DYNC1I1: variants seen among roughly 807,000 people sequenced by gnomAD.
DYNC1I1 encodes cytoplasmic dynein 1 intermediate chain 1.
A neutral mutation model predicts 86.6 loss-of-function variants in DYNC1I1; 43 were observed. The observed-to-expected ratio is 0.50, with a 90% CI of 0.39 to 0.64. The LOEUF (loss-of-function observed/expected upper bound fraction) is 0.64, where lower values mean the gene tolerates loss of function less well. Ranked by LOEUF, DYNC1I1 falls within the 30% of genes least tolerant of loss-of-function variation. DYNC1I1 has a pLI of 0.00. For missense variants in DYNC1I1, 604 were observed against 788.8 expected (o/e 0.77, Z 2.81); for synonymous variants, 262 against 283.7 (o/e 0.92, Z 0.77).
chr7:95,821,799 A>C (rs1448505805), intron 4 of DYNC1I1, among the ~76,000 whole-genome samples: 1 of 152,178 alleles, frequency 6.6e-6, no homozygotes, highest in African/African-American at 2.4e-5. Context: ...ATATATTGGC[A>C]TATTACTTCC....
At chr7:96,051,968 A>G (rs923129007) in intron 14 of DYNC1I1, among the ~76,000 whole-genome samples, 13 of 152,318 alleles carry the variant, frequency 8.5e-5, no homozygotes, top group South Asian at 6.2e-4. Context: ...TAAAAAATTT[A>G]TCTCTTGAAT....
At chr7:95,937,966 A>G (rs147333174) in intron 6 of DYNC1I1, among the ~76,000 whole-genome samples, 1 of 152,168 alleles carries the variant, frequency 6.6e-6, no homozygotes, top group African/African-American at 2.4e-5. Flanking sequence ...TCACACACAT[A>G]ATACCCTAAT....
intron 9 of DYNC1I1, among the ~76,000 whole-genome samples, chr7:95,989,615 A>T (rs1428309092): frequency 1.3e-5 from 2 of 152,198 alleles, no homozygotes; most frequent in Non-Finnish European, 2.9e-5. Flanking sequence ...GCCTTGCCTC[A>T]GTAGGTGATG....
At chr7:95,832,381 G>C (rs13223972) in intron 5 of DYNC1I1, among the ~76,000 whole-genome samples, 14,156 of 151,640 alleles carry the variant, frequency 0.093, 709 homozygotes, top group South Asian at 0.13. Flanking sequence ...TTGAACATTT[G>C]GGTTGGTTCC....
intron 5 of DYNC1I1, among the ~76,000 whole-genome samples, chr7:95,839,029 T>G: frequency 6.6e-6 from 1 of 152,134 alleles, no homozygotes; most frequent in South Asian, 2.1e-4. Context: ...GTTTCCTTTC[T>G]CTTTTTCTTT....
intron 6 of DYNC1I1, among the ~76,000 whole-genome samples, chr7:95,890,770 G>A (rs985394493): frequency 3.9e-5 from 6 of 152,152 alleles, no homozygotes; most frequent in African/African-American, 1.2e-4. Context: ...CAGAAGGTTT[G>A]GGATGGATCC....
intron 6 of DYNC1I1, among the ~76,000 whole-genome samples, chr7:95,943,851 T>C (rs1481964128): frequency 2.7e-5 from 4 of 150,578 alleles, no homozygotes; most frequent in Non-Finnish European, 3.0e-5. Context: ...ATCCCTTCCT[T>C]ACACCTTATA....
At chr7:96,035,525 C>T (rs1403499161) in intron 12 of DYNC1I1, 94 bp from the exon 13 acceptor site, 2 of 1,463,256 alleles carry the variant, frequency 1.4e-6, no homozygotes, top group Non-Finnish European at 1.8e-6. Flanking sequence ...GTGTGAAAAG[C>T]AAACACATGA....
intron 1 of DYNC1I1, among the ~76,000 whole-genome samples, chr7:95,785,735 G>GTA (rs142086688): frequency 0.033 from 4,443 of 134,978 alleles, 257 homozygotes; most frequent in African/African-American, 0.11. Context: ...GTGTGTGTAT[G>GTA]TATATATATA....
At chr7:95,816,010 A>C (rs1373199817) in intron 4 of DYNC1I1, among the ~76,000 whole-genome samples, 1 of 116,050 alleles carries the variant, frequency 8.6e-6, no homozygotes, top group South Asian at 3.1e-4. Context: ...AATCCCTCTT[A>C]TTGATTTTTT....
chr7:95,893,289 G>T (rs950594732), intron 6 of DYNC1I1, among the ~76,000 whole-genome samples: 1 of 152,270 alleles, frequency 6.6e-6, no homozygotes, highest in Non-Finnish European at 1.5e-5. Context: ...ACTAGCACTT[G>T]CAGTATGGAT....
intron 6 of DYNC1I1, among the ~76,000 whole-genome samples, chr7:95,949,924 T>G (rs1792507040): frequency 6.6e-6 from 1 of 152,144 alleles, no homozygotes; most frequent in Non-Finnish European, 1.5e-5. Context: ...GCCTGAGCAT[T>G]GATAAAGGGC....
intron 6 of DYNC1I1, among the ~76,000 whole-genome samples, chr7:95,875,201 AGAAC>A (rs1790277917): frequency 6.6e-6 from 1 of 152,178 alleles, no homozygotes; most frequent in African/African-American, 2.4e-5. Flanking sequence ...CCTTCCTTTT[AGAAC>A]AATGGGTGTT....
Position 96,049,257 on chromosome 7 carries a change from C to CAA in DYNC1I1, c.1509+9858_1509+9859dup, listed in dbSNP as rs200677000. ...TGGGTGACAGAGCAAGACTCCATCT[C>CAA]AAAAAAAAAAAAAAAAAAAAAAATT... On this transcript the variant is annotated intron_variant, in intron 14 of 16. Transcript: ENST00000447467. 5.6e-3 allele frequency among the ~76,000 whole-genome samples: 424 copies of CAA among 75,398 alleles called. 4 individuals carry two copies. The highest frequency in any genetic ancestry group is 0.017 in the African/African-American group (347 of 20,458). 49.5% of individuals were successfully genotyped at this position (75,398 alleles called of 152,430 possible). A position where few individuals can be genotyped will look rare whatever the true frequency, so the allele number is the denominator to read the frequency against.
chr7:95,807,664 G>C (rs935183280), intron 2 of DYNC1I1, among the ~76,000 whole-genome samples: 1 of 151,950 alleles, frequency 6.6e-6, no homozygotes, highest in African/African-American at 2.4e-5. Context: ...TCCTTTGCCT[G>C]GCTGTTAACT....
intron 6 of DYNC1I1, among the ~76,000 whole-genome samples, chr7:95,938,452 G>T (rs1298268932): frequency 6.6e-6 from 1 of 152,124 alleles, no homozygotes; most frequent in Non-Finnish European, 1.5e-5. Context: ...GTGTTAACCT[G>T]TTAGGGAAAA....
chr7:95,839,073 C>T (rs928267347), intron 5 of DYNC1I1, among the ~76,000 whole-genome samples: 1 of 152,066 alleles, frequency 6.6e-6, no homozygotes, highest in Non-Finnish European at 1.5e-5. Context: ...CTCTATCACC[C>T]AGGCTGGAGT....
intron 1 of DYNC1I1, among the ~76,000 whole-genome samples, chr7:95,784,652 A>G (rs1794081832): frequency 6.6e-6 from 1 of 152,160 alleles, no homozygotes; most frequent in Non-Finnish European, 1.5e-5. Context: ...GTTGTGAAAA[A>G]CAGAGTTAAT....
chr7:96,065,169 G>A (rs1248349841), intron 14 of DYNC1I1, among the ~76,000 whole-genome samples: 3 of 151,930 alleles, frequency 2.0e-5, no homozygotes, highest in Non-Finnish European at 2.9e-5. Context: ...GACCATCAAC[G>A]AATTCCTAAT....
Sources: gnomAD v4.1 joint callset for allele counts (sites outside exome capture counted in the v4.1 genomes callset) on GRCh38, gnomAD v4.1.1 for gene constraint, MANE v1.5 for transcripts, NCBI Gene and HGNC (gene_info 2026-07-23, HGNC 2026-07-21) for gene names.